SGCZ: variants seen among roughly 807,000 people sequenced by gnomAD.
SGCZ encodes sarcoglycan zeta.
In SGCZ, 40 loss-of-function variants were observed where a neutral mutation model predicts 41.3. That is an observed-to-expected ratio of 0.97 (90% CI 0.75 to 1.26). SGCZ has a LOEUF of 1.26. Ranked by LOEUF, SGCZ falls within the 50% of genes most tolerant of loss-of-function variation. SGCZ has a pLI of 0.00. For synonymous variants in SGCZ, 206 were observed against 137.5 expected (o/e 1.50, Z -3.49); for missense variants, 552 against 369.8 (o/e 1.49, Z -4.04).
chr8:15,013,419 G>A (rs1359750854), intron 1 of SGCZ, among the ~76,000 whole-genome samples: 2 of 152,140 alleles, frequency 1.3e-5, no homozygotes, highest in African/African-American at 2.4e-5. Context: ...CTTGCCCTTA[G>A]CATCTATAAC....
At chr8:15,095,255 C>A (rs1048785155) in intron 1 of SGCZ, among the ~76,000 whole-genome samples, 4 of 152,048 alleles carry the variant, frequency 2.6e-5, no homozygotes, top group Admixed American at 2.0e-4. Flanking sequence ...TGTGCCATCA[C>A]CCCTAGCTAA....
chr8:14,423,612 C>T (rs1799695720), intron 2 of SGCZ, among the ~76,000 whole-genome samples: 1 of 152,114 alleles, frequency 6.6e-6, no homozygotes, highest in South Asian at 2.1e-4. Context: ...GACAGGGTTT[C>T]TCCGTTGATC....
At chr8:14,775,015 T>C (rs977800896) in intron 1 of SGCZ, among the ~76,000 whole-genome samples, 33 of 152,188 alleles carry the variant, frequency 2.2e-4, no homozygotes, top group African/African-American at 6.5e-4. Context: ...GTATGGAAAA[T>C]ATTCAAGCAC....
intron 1 of SGCZ, among the ~76,000 whole-genome samples, chr8:14,913,163 A>G (rs914640264): frequency 9.2e-5 from 14 of 152,076 alleles, no homozygotes; most frequent in South Asian, 2.1e-4. Context: ...AAAACAGAAA[A>G]TCTCATCCTA....
At chr8:14,303,707 T>C (rs1426297519) in intron 3 of SGCZ, among the ~76,000 whole-genome samples, 2 of 152,116 alleles carry the variant, frequency 1.3e-5, no homozygotes, top group Non-Finnish European at 2.9e-5. Flanking sequence ...AATTTCTAAA[T>C]AGCAAAATCT....
intron 2 of SGCZ, among the ~76,000 whole-genome samples, chr8:14,351,230 G>A (rs1459622406): frequency 6.6e-6 from 1 of 152,086 alleles, no homozygotes; most frequent in Non-Finnish European, 1.5e-5. Flanking sequence ...AAGCCTTGCT[G>A]TTATTTCCTA....
At chr8:14,093,006 A>G (rs529324816) in intron 7 of SGCZ, among the ~76,000 whole-genome samples, 55 of 151,964 alleles carry the variant, frequency 3.6e-4, no homozygotes, top group African/African-American at 1.3e-3. Flanking sequence ...TTTGAGAGAC[A>G]GTGATCGTAT....
chr8:14,579,698 A>T (rs1270344682), intron 1 of SGCZ, among the ~76,000 whole-genome samples: 1 of 152,226 alleles, frequency 6.6e-6, no homozygotes, highest in African/African-American at 2.4e-5. Context: ...TAGATTAATT[A>T]GGATTCTGGA....
chr8:14,616,643 T>C (rs1806115226), intron 1 of SGCZ, among the ~76,000 whole-genome samples: 1 of 152,140 alleles, frequency 6.6e-6, no homozygotes, highest in African/African-American at 2.4e-5. Flanking sequence ...GGCACTGAGC[T>C]TATTTAAAAA....
At chr8:14,249,688 T>C (rs890333465) in intron 3 of SGCZ, among the ~76,000 whole-genome samples, 31 of 152,138 alleles carry the variant, frequency 2.0e-4, no homozygotes, top group African/African-American at 7.5e-4. Context: ...AGTCATTACT[T>C]TGAAGATCTC....
intron 4 of SGCZ, among the ~76,000 whole-genome samples, chr8:14,184,433 C>A (rs547084470): frequency 6.6e-6 from 1 of 152,012 alleles, no homozygotes; most frequent in African/African-American, 2.4e-5. Context: ...TTGAAAAGTT[C>A]TTTATTAAAC....
At chr8:15,120,249 A>G (rs1294365494) in intron 1 of SGCZ, among the ~76,000 whole-genome samples, 1 of 152,250 alleles carries the variant, frequency 6.6e-6, no homozygotes, top group African/African-American at 2.4e-5. Flanking sequence ...TGGGATTGTT[A>G]TATTTCAAAA....
At chr8:14,564,035 A>G (rs918085630) in intron 1 of SGCZ, among the ~76,000 whole-genome samples, 1 of 152,228 alleles carries the variant, frequency 6.6e-6, no homozygotes, top group Non-Finnish European at 1.5e-5. Flanking sequence ...ATATAAATTG[A>G]GCCTCTAATT....
At chr8:14,194,074 TAAAG>T (rs1204485488) in intron 4 of SGCZ, among the ~76,000 whole-genome samples, 5 of 151,778 alleles carry the variant, frequency 3.3e-5, no homozygotes, top group Admixed American at 6.6e-5. Context: ...CTCATGGAAA[TAAAG>T]AAACATTCTG....
chr8:14,835,749 T>C (rs1273101028), intron 1 of SGCZ, among the ~76,000 whole-genome samples: 1 of 152,216 alleles, frequency 6.6e-6, no homozygotes, highest in African/African-American at 2.4e-5. Flanking sequence ...GCTGTGTGAA[T>C]GTATTTACAT....
chr8:14,682,425 C>A (rs1425699367), intron 1 of SGCZ, among the ~76,000 whole-genome samples: 1 of 137,166 alleles, frequency 7.3e-6, no homozygotes, highest in East Asian at 2.2e-4. Context: ...TATAATGCAC[C>A]CTGCAATGCA....
chr8:15,015,305 T>G (rs181330838), intron 1 of SGCZ, among the ~76,000 whole-genome samples: 5 of 152,238 alleles, frequency 3.3e-5, no homozygotes, highest in Admixed American at 3.3e-4. Flanking sequence ...CTTAGAAATC[T>G]TCTTTGCATC....
chr8:15,146,152 G>C (rs1466556797), intron 1 of SGCZ, among the ~76,000 whole-genome samples: 1 of 151,456 alleles, frequency 6.6e-6, no homozygotes, highest in African/African-American at 2.4e-5. Context: ...GAAAAAAATT[G>C]AAATAAATAG....
At chr8:15,172,166 T>TTATTTATTTTATTTTATTTTATTA (rs1563164722) in intron 1 of SGCZ, among the ~76,000 whole-genome samples, 1 of 133,694 alleles carries the variant, frequency 7.5e-6, no homozygotes, top group African/African-American at 2.9e-5. Flanking sequence ...TTTTTTTTTT[T>TTATTTATTTTATTTTATTTTATTA]TTTTTTTTTT....
Sources: gnomAD v4.1 joint callset for allele counts (sites outside exome capture counted in the v4.1 genomes callset) on GRCh38, gnomAD v4.1.1 for gene constraint, MANE v1.5 for transcripts, NCBI Gene and HGNC (gene_info 2026-07-23, HGNC 2026-07-21) for gene names.